RNF214: variants seen among roughly 807,000 people sequenced by gnomAD.
The protein encoded by RNF214 is ring finger protein 214.
Under a neutral mutation model 75.9 loss-of-function variants are expected in RNF214, and 25 were observed. That is an observed-to-expected ratio of 0.33 (90% CI 0.24 to 0.46). The LOEUF is 0.46. Ranked by LOEUF, RNF214 falls within the 20% of genes least tolerant of loss-of-function variation. The pLI, the probability that RNF214 is intolerant of heterozygous loss-of-function variation, is 1.00. For synonymous variants in RNF214, 314 were observed against 308.8 expected, an observed-to-expected ratio of 1.02 and a Z score of -0.18; for missense variants, 725 against 857.5, an observed-to-expected ratio of 0.85 and a Z score of 1.93.
intron 6 of RNF214, among the ~76,000 whole-genome samples, chr11:117,262,486 C>T (rs934832680): frequency 2.0e-5 from 3 of 151,864 alleles, no homozygotes; most frequent in African/African-American, 7.3e-5. Flanking sequence ...CTCAAGTGAT[C>T]CTCTCACCTC....
rs1565328315 is a variant in RNF214 at position 117,239,105 on chromosome 11, T to G, written c.612T>G (p.Ala204=). 1 of 1,606,132 alleles carries G rather than the reference T, an allele frequency of 6.2e-7. No individual in the cohort carries two copies. Among genetic ancestry groups the G allele is most frequent in the East Asian group, 2.2e-5 (1 of 44,782 alleles). ...CCCTGAAGCTTTCTCAGAACATTGC[T>G]GTACAGGTCAAGTGTCAAGTTTCTA... is the stretch of plus-strand genomic sequence containing the variant. ...SSSLKLSQNI[A]VQTDFKTADS... is the part of the protein sequence containing the mutation. Residue 204 remains alanine (A), a synonymous_variant, in exon 3 of 15, where the codon GCT becomes GCG. Coordinates refer to ENST00000300650, the MANE Select transcript of RNF214 (RefSeq NM_207343.4).
chr11:117,273,104 A>G (rs2033944768), intron 6 of RNF214, among the ~76,000 whole-genome samples: 1 of 152,142 alleles, frequency 6.6e-6, no homozygotes, highest in Non-Finnish European at 1.5e-5. Flanking sequence ...AATCTCTTTC[A>G]TGGAAGAAGC....
intron 6 of RNF214, among the ~76,000 whole-genome samples, chr11:117,254,500 T>C (rs679022): frequency 0.32 from 48,350 of 152,030 alleles, 8,343 homozygotes; most frequent in East Asian, 0.66. Flanking sequence ...CCTAGACTTA[T>C]GGTCTGTTAC....
intron 1 of RNF214, among the ~76,000 whole-genome samples, chr11:117,233,866 T>C (rs1213038401): frequency 6.6e-6 from 1 of 152,206 alleles, no homozygotes; most frequent in Non-Finnish European, 1.5e-5. Flanking sequence ...CATAAAGTGA[T>C]TTAAAAACAT....
In RNF214 at chr11:117,285,296, T is replaced by A. The variant is rs939963995; in HGVS notation, c.*145T>A. Reference sequence around the variant, plus strand: ...ATATAGGTAATGTGTGTATAGAAAGTCTGTATTCCAATGTTCGTAAATGAA... The same window carrying A: ...ATATAGGTAATGTGTGTATAGAAAGACTGTATTCCAATGTTCGTAAATGAA... On this transcript the variant is annotated 3_prime_UTR_variant, in exon 15 of 15. Coordinates refer to ENST00000300650, the MANE Select transcript of RNF214 (RefSeq NM_207343.4). 5.2e-6 allele frequency: 3 copies of A among 581,208 alleles called. No homozygotes were observed. Among genetic ancestry groups the A allele is most frequent in the South Asian group, 4.6e-5 (2 of 43,072 alleles). The allele number at this position is 581,208 out of a possible 1,614,324, so 36.0% of individuals were successfully genotyped here.
chr11:117,251,695 G>T (rs964578981), intron 6 of RNF214, among the ~76,000 whole-genome samples: 1 of 152,170 alleles, frequency 6.6e-6, no homozygotes, highest in Non-Finnish European at 1.5e-5. Flanking sequence ...GCCGGCAGGG[G>T]GCTCAGAGAT....
At chr11:117,279,007 AGATTGCTTGAG>A (rs1462160013) in intron 6 of RNF214, among the ~76,000 whole-genome samples, 23 of 152,136 alleles carry the variant, frequency 1.5e-4, no homozygotes, top group African/African-American at 4.8e-4. Flanking sequence ...TAAGGCAAGA[AGATTGCTTGAG>A]CCCAGGGGGT....
intron 6 of RNF214, among the ~76,000 whole-genome samples, chr11:117,273,750 G>A (rs543869398): frequency 3.9e-5 from 6 of 152,200 alleles, no homozygotes; most frequent in Non-Finnish European, 8.8e-5. Context: ...GGTAAGGGGC[G>A]GGAAAATTGA....
At chr11:117,250,200 C>T (rs536374831) in intron 6 of RNF214, among the ~76,000 whole-genome samples, 1 of 152,308 alleles carries the variant, frequency 6.6e-6, no homozygotes, top group East Asian at 1.9e-4. Context: ...CAGGGAATAT[C>T]ATTCCAGAAC....
At chr11:117,238,488 A>C in intron 2 of RNF214, 113 bp from the exon 3 acceptor site, 2 of 917,666 alleles carry the variant, frequency 2.2e-6, no homozygotes, top group South Asian at 1.6e-5. Flanking sequence ...TTGGATTGAA[A>C]CTAAGTTCTT....
At chr11:117,264,395 A>G (rs1356261039) in intron 6 of RNF214, among the ~76,000 whole-genome samples, 5 of 152,126 alleles carry the variant, frequency 3.3e-5, no homozygotes, top group South Asian at 2.1e-4. Flanking sequence ...AGCTATTCCT[A>G]TATCTGCAGT....
At chr11:117,238,530 C>T (rs1389270200) in intron 2 of RNF214, 71 bp from the exon 3 acceptor site, 2 of 1,336,604 alleles carry the variant, frequency 1.5e-6, no homozygotes, top group African/African-American at 2.9e-5. Context: ...TTTACGTAGT[C>T]TAGTTTTGTT....
intron 6 of RNF214, among the ~76,000 whole-genome samples, chr11:117,252,526 AT>A (rs974161498): frequency 3.3e-4 from 49 of 147,480 alleles, no homozygotes; most frequent in Admixed American, 8.8e-4. Context: ...CTGAATCTGA[AT>A]TTTTTTTTTT....
In RNF214 at chr11:117,250,424, AT is replaced by A. The variant is rs919192802; in HGVS notation, c.959+3477del. On this transcript the variant is annotated intron_variant, in intron 6 of 14. Transcript: ENST00000300650. ...GAAAAAAGTTTAAGAAATTAAAAAAATATTTTACATGTGATTATGACATTGT... is the reference window on the plus strand; with the variant it reads ...GAAAAAAGTTTAAGAAATTAAAAAAAATTTTACATGTGATTATGACATTGT... Among the ~76,000 whole-genome samples, 39 of 152,306 alleles carry A rather than the reference AT, an allele frequency of 2.6e-4. 1 individual carries two copies. Among genetic ancestry groups the A allele is most frequent in the Admixed American group, 2.2e-3 (34 of 15,296 alleles).
chr11:117,284,381 T>C (rs953011228), intron 14 of RNF214, among the ~76,000 whole-genome samples: 25 of 152,312 alleles, frequency 1.6e-4, no homozygotes, highest in African/African-American at 6.0e-4. Context: ...TCATTTTGCT[T>C]TTCCAAGAGG....
At chr11:117,241,877 A>G (rs1338739710) in intron 4 of RNF214, among the ~76,000 whole-genome samples, 2 of 152,222 alleles carry the variant, frequency 1.3e-5, no homozygotes, top group African/African-American at 4.8e-5. Context: ...TGAGAACCAT[A>G]TATAATAGTA....
chr11:117,248,055 A>G (rs1411535115), intron 6 of RNF214, among the ~76,000 whole-genome samples: 1 of 152,080 alleles, frequency 6.6e-6, no homozygotes, highest in Non-Finnish European at 1.5e-5. Context: ...GAATTTGGTC[A>G]GCTTCTCAAT....
Position 117,238,895 on chromosome 11 carries a change from T to A in RNF214, c.402T>A (p.Ser134=), listed in dbSNP as rs759697797. ...AGAGCCTCCATCCAGTCACTCGGTC[T>A]CTTAAGGCAGGGTGCCATACTAAGC... ...LRESLHPVTR[S]LKAGCHTKQL... is the part of the protein sequence containing the mutation. Residue 134 remains serine (S), a synonymous_variant, in exon 3 of 15, where the codon TCT becomes TCA. Coordinates refer to ENST00000300650, the MANE Select transcript of RNF214 (RefSeq NM_207343.4). 1.2e-6 allele frequency: 2 copies of A among 1,614,214 alleles called. No homozygotes were observed. Among genetic ancestry groups the A allele is most frequent in the South Asian group, 2.2e-5 (2 of 91,086 alleles).
At chr11:117,282,678 G>A (rs2034153126) in intron 12 of RNF214, 68 bp from the exon 13 acceptor site, 5 of 1,545,846 alleles carry the variant, frequency 3.2e-6, no homozygotes, top group Non-Finnish European at 4.5e-6. Flanking sequence ...TGGGAAATAA[G>A]TGATTTTTGT....
Sources: allele counts gnomAD v4.1 joint callset (sites outside exome capture counted in the v4.1 genomes callset), GRCh38; gene constraint gnomAD v4.1.1; transcripts MANE v1.5; gene names NCBI Gene and HGNC (gene_info 2026-07-23, HGNC 2026-07-21).